EP300: variants seen among roughly 807,000 people sequenced by gnomAD.
EP300 encodes EP300 lysine acetyltransferase.
EP300 carries 31 observed loss-of-function variants against 264.0 expected under a neutral mutation model. The ratio of observed to expected loss-of-function variants is 0.12; its 90% CI spans 0.09 to 0.16. The LOEUF (loss-of-function observed/expected upper bound fraction) is 0.16, where lower values mean the gene tolerates loss of function less well. Ranked by LOEUF, EP300 falls within the 10% of genes least tolerant of loss-of-function variation. EP300 has a pLI of 1.00. For missense variants in EP300, 2,766 were observed against 3,052.9 expected (o/e 0.91, Z 2.21); for synonymous variants, 1,340 against 1,045.4 (o/e 1.28, Z -5.44).
chr22:41,177,654 G>T lies in EP300; in HGVS notation c.5943G>T (p.Glu1981Asp), dbSNP rs955056237. 4 of 1,614,040 alleles carry T rather than the reference G, an allele frequency of 2.5e-6. No homozygotes were observed. The highest frequency in any genetic ancestry group is 3.4e-6 in the Non-Finnish European group (4 of 1,180,036). The change falls in exon 31 of 31, where the codon GAG becomes GAT. Residue 1981 changes from glutamate (E) to aspartate (D), a missense_variant. By Grantham distance (45) the Glu-to-Asp change is conservative (BLOSUM62 2). Coordinates refer to ENST00000263253, the MANE Select transcript of EP300 (RefSeq NM_001429.4). ...PMTRGPSGHL[E>D]PGMGPTGMQQ... Reference sequence around the variant, plus strand: ...CCAGAGGTCCCAGTGGGCATTTGGAGCCAGGGATGGGACCGACAGGGATGC... The same window carrying T: ...CCAGAGGTCCCAGTGGGCATTTGGATCCAGGGATGGGACCGACAGGGATGC...
chr22:41,137,293 AT>A (rs2058956572), intron 7 of EP300, among the ~76,000 whole-genome samples: 1 of 137,566 alleles, frequency 7.3e-6, no homozygotes, highest in Admixed American at 8.2e-5. Flanking sequence ...GAAGGCAGAG[AT>A]TGCAGTGATC....
rs1018942944 is a variant in EP300 at position 41,146,751 on chromosome 22, C to G, written c.2066C>G (p.Pro689Arg). 3.7e-6 allele frequency: 6 copies of G among 1,614,150 alleles called. No homozygotes were observed. Among genetic ancestry groups the G allele is most frequent in the Non-Finnish European group, 4.2e-6 (5 of 1,180,012 alleles). Residue 689 changes from proline to arginine, a missense_variant, in exon 11 of 31, where the codon CCT becomes CGT. By Grantham distance (103) the Pro-to-Arg change is moderately radical (BLOSUM62 -2). Transcript: ENST00000263253. ...TTTTTTACTCTAGATGGCCCTCTAC[C>G]TGACCCAAGTATGATCCGTGGCAGT... is the stretch of plus-strand genomic sequence containing the variant. ...QPGMTSNGPL[P>R]DPSMIRGSVP... is the part of the protein sequence containing the mutation.
intron 2 of EP300, among the ~76,000 whole-genome samples, chr22:41,120,052 G>T (rs965053707): frequency 6.6e-6 from 1 of 152,116 alleles, no homozygotes; most frequent in African/African-American, 2.4e-5. Flanking sequence ...GACCTCAAGT[G>T]ATCTGCCCAC....
chr22:41,178,305 G>A lies in EP300; in HGVS notation c.6594G>A (p.Gly2198=), dbSNP rs1373568802. Residue 2198 remains glycine (G), a synonymous_variant, in exon 31 of 31, where the codon GGG becomes GGA. Coordinates refer to ENST00000263253, the MANE Select transcript of EP300 (RefSeq NM_001429.4). ...MMQQQQQQGA[G]PGIGPGMANH... ...AACAGCAGCAGCAACAGGGAGCAGG[G>A]CCAGGAATAGGCCCTGGAATGGCCA... The A allele has an allele frequency of 1.9e-6, 3 of 1,614,162 alleles. No homozygotes were observed. Among genetic ancestry groups the A allele is most frequent in the Admixed American group, 1.7e-5 (1 of 60,022 alleles).
intron 10 of EP300, among the ~76,000 whole-genome samples, chr22:41,144,998 T>C (rs963404586): frequency 6.6e-6 from 1 of 152,230 alleles, no homozygotes; most frequent in Non-Finnish European, 1.5e-5. Context: ...AGCTGTGTTT[T>C]CTCTCCACTT....
intron 27 of EP300, among the ~76,000 whole-genome samples, 161 bp from the exon 28 acceptor site, chr22:41,172,338 A>G (rs2059175467): frequency 6.6e-6 from 1 of 152,040 alleles, no homozygotes; most frequent in Admixed American, 6.6e-5. Flanking sequence ...TTCACTATTT[A>G]TTTTTCTAAA....
intron 1 of EP300, among the ~76,000 whole-genome samples, chr22:41,115,073 A>G (rs752673891): frequency 2.0e-5 from 3 of 152,188 alleles, no homozygotes; most frequent in Non-Finnish European, 2.9e-5. Flanking sequence ...AGCTTGGACT[A>G]TAGATGTGTA....
intron 11 of EP300, among the ~76,000 whole-genome samples, chr22:41,147,504 G>T (rs1172417571): frequency 6.6e-6 from 1 of 152,160 alleles, no homozygotes; most frequent in South Asian, 2.1e-4. Context: ...TTGGGAGGCT[G>T]AGGCGGGCAG....
chr22:41,135,244 C>G (rs1389700943), intron 6 of EP300, among the ~76,000 whole-genome samples: 2 of 152,148 alleles, frequency 1.3e-5, no homozygotes, highest in Non-Finnish European at 2.9e-5. Flanking sequence ...TACCTTTTTC[C>G]TTAAGTTTTA....
At chr22:41,140,430 A>G (rs1321197075) in intron 9 of EP300, among the ~76,000 whole-genome samples, 173 bp downstream of exon 9, 1 of 152,120 alleles carries the variant, frequency 6.6e-6, no homozygotes, top group Non-Finnish European at 1.5e-5. Context: ...TCTTAAGTGT[A>G]TGTCATCAAG....
At chr22:41,148,985 T>C (rs902062000) in intron 12 of EP300, 53 bp from the exon 13 acceptor site, 2 of 1,612,234 alleles carry the variant, frequency 1.2e-6, no homozygotes, top group East Asian at 2.2e-5. Context: ...TTAGTTATAG[T>C]AGAATAACTA....
chr22:41,136,391 C>G (rs979149712), intron 7 of EP300, among the ~76,000 whole-genome samples: 2 of 152,232 alleles, frequency 1.3e-5, no homozygotes, highest in South Asian at 4.1e-4. Context: ...TACACCTTCC[C>G]TAATACAGTA....
intron 10 of EP300, among the ~76,000 whole-genome samples, chr22:41,145,139 T>C (rs2145730499): frequency 6.6e-6 from 1 of 152,366 alleles, no homozygotes. Context: ...ACTCATATCT[T>C]AGGTGAAAAC....
intron 1 of EP300, among the ~76,000 whole-genome samples, chr22:41,116,476 T>C (rs1429383827): frequency 6.6e-6 from 1 of 152,166 alleles, no homozygotes; most frequent in East Asian, 1.9e-4. Flanking sequence ...AGTTTTCTTT[T>C]CCTATGTTTT....
intron 1 of EP300, among the ~76,000 whole-genome samples, chr22:41,096,881 A>G (rs2145671567): frequency 6.6e-6 from 1 of 152,222 alleles, no homozygotes; most frequent in African/African-American, 2.4e-5. Flanking sequence ...AGCCTCCCAA[A>G]GTGCTGGGAA....
chr22:41,137,356 CAA>C (rs35403189), intron 7 of EP300, among the ~76,000 whole-genome samples: 2 of 92,902 alleles, frequency 2.2e-5, no homozygotes, highest in Admixed American at 1.3e-4. Flanking sequence ...GACTTTGTCT[CAA>C]AAAAAAAAAA....
rs769341726 is a variant in EP300 at position 41,178,014 on chromosome 22, T to G, written c.6303T>G (p.Pro2101=). Residue 2101 remains proline (P), a synonymous_variant, in exon 31 of 31, where the codon CCT becomes CCG. Transcript: ENST00000263253. ...KYANSNPQPI[P]GQPGMPQGQP... ...CCAACTCTAATCCACAACCCATCCC[T>G]GGGCAGCCTGGCATGCCCCAGGGGC... The G allele has an allele frequency of 3.7e-6, 6 of 1,613,958 alleles. No individual in the cohort carries two copies. Among genetic ancestry groups the G allele is most frequent in the African/African-American group, 2.7e-5 (2 of 74,902 alleles).
intron 1 of EP300, among the ~76,000 whole-genome samples, chr22:41,097,437 C>T (rs926590366): frequency 2.0e-5 from 3 of 150,766 alleles, no homozygotes; most frequent in African/African-American, 7.4e-5. Context: ...TTTTCTCTCT[C>T]TTCTTTATTT....
intron 11 of EP300, among the ~76,000 whole-genome samples, chr22:41,147,095 A>C (rs2059015387): frequency 6.6e-6 from 1 of 151,710 alleles, no homozygotes; most frequent in African/African-American, 2.4e-5. Flanking sequence ...ACCTGAGGTC[A>C]AAGTACGAGA....
Sources: gnomAD v4.1 joint callset for allele counts (sites outside exome capture counted in the v4.1 genomes callset) on GRCh38, gnomAD v4.1.1 for gene constraint, MANE v1.5 for transcripts, NCBI Gene and HGNC (gene_info 2026-07-23, HGNC 2026-07-21) for gene names.